The following CORIN variants were observed in gnomAD, a reference collection of about 807,000 sequenced individuals.
CORIN encodes the protein atrial natriuretic peptide-converting enzyme.
CORIN carries 117 observed loss-of-function variants against 125.3 expected under a neutral mutation model. That is an observed-to-expected ratio of 0.93 (90% CI 0.80 to 1.09). CORIN has a LOEUF of 1.09. Ranked by LOEUF, CORIN falls within the 50% of genes least tolerant of loss-of-function variation. The pLI is 0.00. For missense variants in CORIN, 1,253 were observed against 1,306.7 expected (o/e 0.96, Z 0.63); for synonymous variants, 450 against 466.4 (o/e 0.96, Z 0.45).
chr4:47,771,096 C>CT (rs908757070), intron 3 of CORIN, among the ~76,000 whole-genome samples: 1 of 152,010 alleles, frequency 6.6e-6, no homozygotes, highest in Non-Finnish European at 1.5e-5. Flanking sequence ...GTTACAACAA[C>CT]TTTTTTCATA....
intron 13 of CORIN, among the ~76,000 whole-genome samples, chr4:47,645,759 G>C (rs1376499329): frequency 6.6e-6 from 1 of 152,054 alleles, no homozygotes; most frequent in African/African-American, 2.4e-5. Context: ...GGTAGTGCGT[G>C]CCTGTAATCC....
At chr4:47,767,006 A>G (rs1729785387) in intron 3 of CORIN, among the ~76,000 whole-genome samples, 1 of 152,126 alleles carries the variant, frequency 6.6e-6, no homozygotes, top group Admixed American at 6.5e-5. Context: ...GATTAAGCAC[A>G]TATCCTCCCT....
At chr4:47,793,027 C>CTGTTGTTGT (rs892227612) in intron 2 of CORIN, among the ~76,000 whole-genome samples, 4 of 148,948 alleles carry the variant, frequency 2.7e-5, no homozygotes, top group African/African-American at 5.2e-5. Context: ...TTGTAGAAGC[C>CTGTTGTTGT]TGTTGTTGTT....
rs758541179 is a variant in CORIN at position 47,678,029 on chromosome 4, T to A, written c.1158A>T (p.Glu386Asp). The change falls in exon 9 of 22, where the codon GAA becomes GAT. Residue 386 changes from glutamate (E) to aspartate (D), a missense_variant. Transcript: ENST00000273857. ...TGGGGATACATTGTCCATTTCTGCA[T>A]TCCACCAGACCCTGGCTGTGACAGG... ...NCSCHSQGLV[E>D]CRNGQCIPST... 1 of 1,613,848 alleles carries A rather than the reference T, an allele frequency of 6.2e-7. No individual in the cohort carries two copies. The highest frequency in any genetic ancestry group is 8.5e-7 in the Non-Finnish European group (1 of 1,179,862).
At chr4:47,774,418 G>A (rs1480414134) in intron 3 of CORIN, among the ~76,000 whole-genome samples, 1 of 152,094 alleles carries the variant, frequency 6.6e-6, no homozygotes, top group African/African-American at 2.4e-5. Context: ...AATTTGGTAT[G>A]ATTTTTTCCT....
chr4:47,813,214 C>T (rs1732131799), intron 1 of CORIN, among the ~76,000 whole-genome samples: 2 of 152,136 alleles, frequency 1.3e-5, no homozygotes, highest in Admixed American at 1.3e-4. Flanking sequence ...ATGTGATGAC[C>T]AATAAATGTC....
chr4:47,794,306 T>C (rs1236612729), intron 2 of CORIN, among the ~76,000 whole-genome samples: 1 of 152,180 alleles, frequency 6.6e-6, no homozygotes, highest in Non-Finnish European at 1.5e-5. Flanking sequence ...AATTCAATGA[T>C]CTCCAGTTCA....
intron 13 of CORIN, among the ~76,000 whole-genome samples, chr4:47,651,427 T>C (rs1723726912): frequency 6.6e-6 from 1 of 152,260 alleles, no homozygotes; most frequent in African/African-American, 2.4e-5. Flanking sequence ...GATGACTTCC[T>C]ATTAGTCCTC....
At chr4:47,625,221 C>T (rs1463819103) in intron 17 of CORIN, among the ~76,000 whole-genome samples, 2 of 152,074 alleles carry the variant, frequency 1.3e-5, no homozygotes, top group African/African-American at 4.8e-5. Flanking sequence ...CCCTCAAAGC[C>T]TAATACTGAA....
chr4:47,714,783 C>G (rs1267902562), intron 5 of CORIN, among the ~76,000 whole-genome samples: 2 of 152,152 alleles, frequency 1.3e-5, no homozygotes. Context: ...GACCCCTGAT[C>G]CAGAAGAAGT....
intron 5 of CORIN, among the ~76,000 whole-genome samples, chr4:47,714,647 A>G (rs573738538): frequency 6.7e-4 from 102 of 152,354 alleles, no homozygotes; most frequent in African/African-American, 2.3e-3. Context: ...CAACTGTTCA[A>G]CTACACCAAT....
intron 5 of CORIN, among the ~76,000 whole-genome samples, chr4:47,702,143 TTAATA>T (rs1156627022): frequency 6.6e-6 from 1 of 152,162 alleles, no homozygotes; most frequent in Non-Finnish European, 1.5e-5. Context: ...TAATAATACT[TTAATA>T]TATTTTTGAG....
At chr4:47,742,038 A>G (rs1166497046) in intron 5 of CORIN, among the ~76,000 whole-genome samples, 1 of 152,036 alleles carries the variant, frequency 6.6e-6, no homozygotes, top group East Asian at 1.9e-4. Context: ...ATATACTTTA[A>G]AGAGATGAAT....
intron 1 of CORIN, among the ~76,000 whole-genome samples, chr4:47,823,339 TA>T (rs1187796847): frequency 6.6e-6 from 1 of 152,196 alleles, no homozygotes; most frequent in African/African-American, 2.4e-5. Flanking sequence ...CATCTGCTAC[TA>T]GCCTTGCATC....
chr4:47,603,131 G>A (rs929252622), intron 20 of CORIN, among the ~76,000 whole-genome samples: 1 of 152,068 alleles, frequency 6.6e-6, no homozygotes, highest in Non-Finnish European at 1.5e-5. Context: ...TTGAAACATG[G>A]GGGGCAGTTA....
intron 1 of CORIN, among the ~76,000 whole-genome samples, chr4:47,822,245 T>A (rs1413023120): frequency 6.6e-6 from 1 of 152,218 alleles, no homozygotes; most frequent in African/African-American, 2.4e-5. Context: ...AACTGACCCA[T>A]TTTCTTCTGA....
At chr4:47,750,628 A>G (rs879425962) in intron 4 of CORIN, among the ~76,000 whole-genome samples, 1 of 152,156 alleles carries the variant, frequency 6.6e-6, no homozygotes. Flanking sequence ...AGAGAGTTGT[A>G]TGGGGAAGGC....
Position 47,594,911 on chromosome 4 carries a change from T to C in CORIN, c.*810A>G, listed in dbSNP as rs960192877. The C allele has an allele frequency of 2.6e-5, 4 of 152,224 alleles. No homozygotes were observed. Among genetic ancestry groups the C allele is most frequent in the African/African-American group, 9.6e-5 (4 of 41,468 alleles). 9.4% of individuals were successfully genotyped at this position (152,224 alleles called of 1,614,324 possible). A position where few individuals can be genotyped will look rare whatever the true frequency, so the allele number is the denominator to read the frequency against. On this transcript the variant is annotated 3_prime_UTR_variant, in exon 22 of 22. Coordinates refer to ENST00000273857, the MANE Select transcript of CORIN (RefSeq NM_006587.4). ...CTATAGAGACTCTTCTATAAAATTA[T>C]GATCTTGATATACATCCAGAATGGG...
At chr4:47,685,264 C>A (rs1020910243) in intron 6 of CORIN, among the ~76,000 whole-genome samples, 2 of 152,126 alleles carry the variant, frequency 1.3e-5, no homozygotes, top group African/African-American at 4.8e-5. Flanking sequence ...GGAAAAAAAT[C>A]CAACTACTCA....
Sources: gnomAD v4.1 joint callset for allele counts (sites outside exome capture counted in the v4.1 genomes callset) on GRCh38, gnomAD v4.1.1 for gene constraint, MANE v1.5 for transcripts, NCBI Gene and HGNC (gene_info 2026-07-23, HGNC 2026-07-21) for gene names.